PICALM: variants seen among roughly 807,000 people sequenced by gnomAD.
The protein encoded by PICALM is phosphatidylinositol-binding clathrin assembly protein.
A neutral mutation model predicts 80.5 loss-of-function variants in PICALM; 40 were observed. The observed-to-expected ratio is 0.50, with a 90% CI of 0.39 to 0.65. The LOEUF (loss-of-function observed/expected upper bound fraction) is 0.65. Ranked by LOEUF, PICALM falls within the 30% of genes least tolerant of loss-of-function variation. The pLI is 0.00. For synonymous variants in PICALM, 288 were observed against 260.3 expected (o/e 1.11, Z -1.02); for missense variants, 676 against 778.9 (o/e 0.87, Z 1.57).
intron 1 of PICALM, among the ~76,000 whole-genome samples, chr11:86,036,252 G>C (rs150416134): frequency 6.6e-6 from 1 of 152,082 alleles, no homozygotes; most frequent in South Asian, 2.1e-4. Context: ...TTGCCTAGTC[G>C]TAAGTGTCAA....
At chr11:85,998,959 T>C (rs1021058225) in intron 11 of PICALM, among the ~76,000 whole-genome samples, 6 of 152,196 alleles carry the variant, frequency 3.9e-5, no homozygotes, top group African/African-American at 1.4e-4. Flanking sequence ...CAAAATAGAA[T>C]GTTTTTCTTT....
At chr11:85,996,640 C>T (rs774280906) in intron 12 of PICALM, among the ~76,000 whole-genome samples, 186 bp downstream of exon 12, 5 of 152,038 alleles carry the variant, frequency 3.3e-5, no homozygotes, top group Non-Finnish European at 5.9e-5. Context: ...TTTAATTGAA[C>T]ATAAATTCCT....
intron 19 of PICALM, among the ~76,000 whole-genome samples, chr11:85,962,023 T>C (rs1280272543): frequency 6.6e-6 from 1 of 152,192 alleles, no homozygotes; most frequent in Non-Finnish European, 1.5e-5. Flanking sequence ...AATTTCCTAA[T>C]GCATATCTTG....
At chr11:86,002,696 T>C (rs1328228945) in intron 9 of PICALM, among the ~76,000 whole-genome samples, 2 of 152,158 alleles carry the variant, frequency 1.3e-5, no homozygotes, top group Non-Finnish European at 2.9e-5. Context: ...TTGTGAGGAT[T>C]GAGCAAATTA....
chr11:85,974,998 G>C (rs983640963), intron 18 of PICALM, among the ~76,000 whole-genome samples, 186 bp from the exon 19 acceptor site: 2 of 152,030 alleles, frequency 1.3e-5, no homozygotes, highest in Admixed American at 1.3e-4. Context: ...CTTTTGGTAA[G>C]TAAAGTCTTT....
Position 86,015,289 on chromosome 11 carries a change from T to C in PICALM, c.453-326A>G, listed in dbSNP as rs185548528. Among the ~76,000 whole-genome samples, 10 of 152,296 alleles carry C rather than the reference T, an allele frequency of 6.6e-5. No individual in the cohort carries two copies. In the East Asian group the frequency reaches 1.5e-3, roughly 23 times the overall value. On this transcript the variant is annotated intron_variant, in intron 4 of 19. Transcript: ENST00000393346. ...TGAAATGATCTGATCCTCACAATCA[T>C]TGGTGTGTAAAGAGCAGTTTTACCA...
intron 1 of PICALM, among the ~76,000 whole-genome samples, chr11:86,033,562 ATATT>A (rs1276578061): frequency 6.6e-6 from 1 of 152,156 alleles, no homozygotes; most frequent in East Asian, 1.9e-4. Context: ...ACTTCCCTGA[ATATT>A]TACGCAAAAT....
At chr11:85,969,626 T>A (rs1385791116) in intron 19 of PICALM, 1 of 396,746 alleles carries the variant, frequency 2.5e-6, no homozygotes, top group South Asian at 1.9e-5. Flanking sequence ...TGGCTGAGAA[T>A]CATTAAACAT....
At chr11:85,971,797 T>TA in intron 19 of PICALM, among the ~76,000 whole-genome samples, 1 of 152,084 alleles carries the variant, frequency 6.6e-6, no homozygotes, top group South Asian at 2.1e-4. Context: ...TTTTGTTTGT[T>TA]TTGAGATGGA....
chr11:86,010,153 GC>G (rs1235952834), intron 7 of PICALM, among the ~76,000 whole-genome samples: 1 of 152,026 alleles, frequency 6.6e-6, no homozygotes, highest in Non-Finnish European at 1.5e-5. Context: ...CCTTAAGAAC[GC>G]CTCTGTGGTA....
chr11:85,982,288 AC>A (rs1487122841), intron 14 of PICALM: 5 of 266,878 alleles, frequency 1.9e-5, no homozygotes, highest in East Asian at 6.8e-5. Context: ...GAGAAAAAAA[AC>A]AAATGTAATT....
Position 85,981,254 on chromosome 11 carries a change from T to C in PICALM, c.1680-26A>G, listed in dbSNP as rs201459576. On this transcript the variant is annotated intron_variant, in intron 16 of 19. Coordinates refer to ENST00000393346, the MANE Select transcript of PICALM (RefSeq NM_007166.4). ...CTTTAAATAAACATAAGTGAGAATA[T>C]TAAATGTCTCTAATTATAAAGTTTC... is the stretch of plus-strand genomic sequence containing the variant. 1.7e-5 allele frequency: 20 copies of C among 1,186,078 alleles called. No individual in the cohort carries two copies. In the Admixed American group the frequency reaches 1.7e-4, roughly 10 times the overall value. 73.5% of individuals were successfully genotyped at this position (1,186,078 alleles called of 1,614,324 possible).
chr11:85,978,413 G>A (rs562765849), intron 17 of PICALM: 14 of 175,206 alleles, frequency 8.0e-5, no homozygotes, highest in Non-Finnish European at 2.4e-5. Flanking sequence ...GGTTGCATCA[G>A]ATGTCTACCA....
intron 17 of PICALM, among the ~76,000 whole-genome samples, chr11:85,977,759 C>A (rs1442342885): frequency 3.9e-5 from 6 of 152,174 alleles, no homozygotes; most frequent in Admixed American, 3.3e-4. Context: ...AACATTACCA[C>A]AATCAACATT....
chr11:85,960,262 C>T (rs2093644854), intron 19 of PICALM, among the ~76,000 whole-genome samples: 1 of 152,066 alleles, frequency 6.6e-6, no homozygotes, highest in Admixed American at 6.6e-5. Flanking sequence ...CTATAAACTC[C>T]CAAAGATCTA....
intron 1 of PICALM, among the ~76,000 whole-genome samples, chr11:86,049,207 T>G (rs1362826598): frequency 6.6e-6 from 1 of 152,078 alleles, no homozygotes; most frequent in Non-Finnish European, 1.5e-5. Context: ...GGCATGAGAA[T>G]CACTGGAACC....
At chr11:86,028,089 C>T (rs921301803) in intron 2 of PICALM, among the ~76,000 whole-genome samples, 2 of 152,094 alleles carry the variant, frequency 1.3e-5, no homozygotes, top group African/African-American at 4.8e-5. Context: ...CTAAATTTTC[C>T]TTTTCATTTT....
chr11:86,013,569 A>C (rs1407423102), intron 5 of PICALM, among the ~76,000 whole-genome samples: 1 of 152,146 alleles, frequency 6.6e-6, no homozygotes, highest in Non-Finnish European at 1.5e-5. Context: ...AGGATAAAAA[A>C]ACAGAATAAA....
intron 3 of PICALM, among the ~76,000 whole-genome samples, chr11:86,023,993 G>A (rs888317438): frequency 3.9e-5 from 6 of 152,014 alleles, no homozygotes; most frequent in East Asian, 1.9e-4. Context: ...TTAGCCAGGC[G>A]TGGTGGTGCA....
Sources: allele counts gnomAD v4.1 joint callset (sites outside exome capture counted in the v4.1 genomes callset), GRCh38; gene constraint gnomAD v4.1.1; transcripts MANE v1.5; gene names NCBI Gene and HGNC (gene_info 2026-07-23, HGNC 2026-07-21).